Variants in GLIS3 observed in about 807,000 individuals in gnomAD.
The protein encoded by GLIS3 is GLIS family zinc finger 3.
Under a neutral mutation model 78.6 loss-of-function variants are expected in GLIS3, and 53 were observed. The ratio of observed to expected loss-of-function variants is 0.67; its 90% confidence interval spans 0.54 to 0.85. The LOEUF (loss-of-function observed/expected upper bound fraction) is 0.85, where lower values mean the gene tolerates loss of function less well. Among genes scored for constraint, GLIS3 ranks in the 40% least tolerant of loss-of-function variants. The pLI is 0.00. For missense variants in GLIS3, 1,703 were observed against 1,231.1 expected, an observed-to-expected ratio of 1.38 and a Z score of -5.74; for synonymous variants, 684 against 509.9, an observed-to-expected ratio of 1.34 and a Z score of -4.60.
At chr9:3,925,599 G>A (rs1476576646) in intron 6 of GLIS3, among the ~76,000 whole-genome samples, 1 of 146,954 alleles carries the variant, frequency 6.8e-6, no homozygotes, top group Non-Finnish European at 1.5e-5. Flanking sequence ...GTGTGTGCGT[G>A]TGCGCGCGTG....
At chr9:4,166,061 G>T (rs577384962) in intron 2 of GLIS3, among the ~76,000 whole-genome samples, 8 of 152,304 alleles carry the variant, frequency 5.3e-5, no homozygotes, top group African/African-American at 1.7e-4. Flanking sequence ...CTGCTTATTA[G>T]ACTTGGAACC....
the GLIS3 span, among the ~76,000 whole-genome samples, chr9:4,381,308 C>A: frequency 6.6e-6 from 1 of 152,162 alleles, no homozygotes; most frequent in African/African-American, 2.4e-5. Context: ...GAATGAATTA[C>A]ATGATTATTG....
At chr9:3,862,085 A>G (rs1820250018) in intron 8 of GLIS3, among the ~76,000 whole-genome samples, 1 of 152,196 alleles carries the variant, frequency 6.6e-6, no homozygotes, top group Non-Finnish European at 1.5e-5. Flanking sequence ...TGAGTCCACA[A>G]ATTCATACAA....
chr9:3,931,341 G>T (rs1413484573), intron 6 of GLIS3, among the ~76,000 whole-genome samples: 3 of 152,098 alleles, frequency 2.0e-5, no homozygotes, highest in African/African-American at 7.2e-5. Context: ...ACATAAAAGT[G>T]TTAAATCCCC....
the GLIS3 span, among the ~76,000 whole-genome samples, chr9:4,404,461 T>C: frequency 9.2e-5 from 14 of 152,210 alleles, no homozygotes; most frequent in African/African-American, 3.4e-4. Flanking sequence ...ATAGACCATA[T>C]GTTAGCTCAC....
intron 4 of GLIS3, among the ~76,000 whole-genome samples, chr9:4,114,724 G>T (rs1175971817): frequency 6.6e-6 from 1 of 152,036 alleles, no homozygotes; most frequent in East Asian, 1.9e-4. Flanking sequence ...TACTTCTCAA[G>T]CCCTTTGCCA....
intron 2 of GLIS3, among the ~76,000 whole-genome samples, chr9:4,176,780 C>T (rs576263927): frequency 1.4e-4 from 22 of 152,294 alleles, no homozygotes; most frequent in Admixed American, 7.2e-4. Flanking sequence ...CCTGCGACCA[C>T]GCCCAGCTCA....
intron 2 of GLIS3, among the ~76,000 whole-genome samples, chr9:4,197,443 A>T (rs1280174992): frequency 1.3e-5 from 2 of 152,160 alleles, no homozygotes; most frequent in Non-Finnish European, 2.9e-5. Flanking sequence ...CTGGATTAGG[A>T]GTTTAGGCTG....
At chr9:4,451,137 T>C in the GLIS3 span, among the ~76,000 whole-genome samples, 6 of 151,800 alleles carry the variant, frequency 4.0e-5, no homozygotes, top group Non-Finnish European at 7.4e-5. Context: ...AGGCTCAAAA[T>C]AAAGGGATGG....
At chr9:4,478,435 A>G in the GLIS3 span, among the ~76,000 whole-genome samples, 1 of 151,812 alleles carries the variant, frequency 6.6e-6, no homozygotes, top group Non-Finnish European at 1.5e-5. Context: ...ACATGGTGAA[A>G]CCCCCTCTCT....
the GLIS3 span, among the ~76,000 whole-genome samples, chr9:4,388,537 G>A: frequency 5.9e-5 from 9 of 152,126 alleles, no homozygotes; most frequent in South Asian, 2.1e-4. Context: ...TTAGCCAGGC[G>A]TGGTGGCGTG....
At chr9:4,054,513 T>C (rs1825978375) in intron 4 of GLIS3, 1 of 985,114 alleles carries the variant, frequency 1.0e-6, no homozygotes, top group Non-Finnish European at 1.2e-6. Context: ...GAAATGGCAG[T>C]CTACAGAGAA....
At chr9:4,247,630 G>C (rs1036258015) in intron 2 of GLIS3, among the ~76,000 whole-genome samples, 1 of 151,744 alleles carries the variant, frequency 6.6e-6, no homozygotes, top group African/African-American at 2.4e-5. Flanking sequence ...TTACCATTTG[G>C]GGAAAGATAC....
the GLIS3 span, among the ~76,000 whole-genome samples, chr9:4,465,854 C>T: frequency 1.3e-5 from 2 of 152,038 alleles, no homozygotes; most frequent in Admixed American, 6.6e-5. Flanking sequence ...ACTTGAAAAG[C>T]CAGAAAACAT....
chr9:3,994,103 G>C lies in GLIS3; in HGVS notation c.1711-56914C>G, dbSNP rs548300188. ...ATCTGCATTTTTTAAAAGTTCCATGGTCTAGGACCACACTTTGAGAACTGC... is the reference window on the plus strand; with the variant it reads ...ATCTGCATTTTTTAAAAGTTCCATGCTCTAGGACCACACTTTGAGAACTGC... On this transcript the variant is annotated intron_variant, in intron 4 of 10. Coordinates refer to ENST00000381971, the MANE Select transcript of GLIS3 (RefSeq NM_001042413.2). 9.1e-4 allele frequency among the ~76,000 whole-genome samples: 138 copies of C among 152,260 alleles called. 2 individuals carry two copies. The highest frequency in any genetic ancestry group is 3.0e-3 in the African/African-American group (125 of 41,542).
intron 2 of GLIS3, among the ~76,000 whole-genome samples, chr9:4,325,138 A>G (rs1037611537): frequency 6.6e-5 from 10 of 152,210 alleles, no homozygotes; most frequent in Non-Finnish European, 1.5e-5. Context: ...GTATGTCTAT[A>G]AAGCCCATAG....
chr9:4,389,426 T>G, the GLIS3 span, among the ~76,000 whole-genome samples: 1 of 152,176 alleles, frequency 6.6e-6, no homozygotes, highest in Non-Finnish European at 1.5e-5. Context: ...GGGATTCATT[T>G]TGCCTGGATA....
At chr9:3,955,380 G>T (rs1817031196) in intron 4 of GLIS3, among the ~76,000 whole-genome samples, 1 of 152,150 alleles carries the variant, frequency 6.6e-6, no homozygotes, top group Non-Finnish European at 1.5e-5. Flanking sequence ...TTGAAAAAGA[G>T]AAAGAGAAAT....
chr9:4,040,616 G>A (rs757247769), intron 4 of GLIS3, among the ~76,000 whole-genome samples: 1 of 152,138 alleles, frequency 6.6e-6, no homozygotes, highest in Non-Finnish European at 1.5e-5. Flanking sequence ...AATCTGAACG[G>A]GAACTCCCAG....
Sources: allele counts gnomAD v4.1 joint callset (sites outside exome capture counted in the v4.1 genomes callset), GRCh38; gene constraint gnomAD v4.1.1; transcripts MANE v1.5; gene names NCBI Gene and HGNC (gene_info 2026-07-23, HGNC 2026-07-21).